Variants in TBC1D14 observed in about 807,000 individuals in gnomAD.
TBC1D14 encodes TBC1 domain family, member 14.
TBC1D14 carries 26 observed loss-of-function variants against 79.0 expected under a neutral mutation model. That is an observed-to-expected ratio of 0.33 (90% CI 0.24 to 0.46). TBC1D14 has a LOEUF of 0.46. Ranked by LOEUF, TBC1D14 falls within the 20% of genes least tolerant of loss-of-function variation. The probability of loss-of-function intolerance (pLI) is 1.00; values close to 1 mark genes in which losing one functional copy is unlikely to be tolerated. For synonymous variants in TBC1D14, 394 were observed against 349.9 expected (o/e 1.13, Z -1.40); for missense variants, 769 against 887.6 (o/e 0.87, Z 1.70).
chr4:6,909,676 G>A (rs1303517017), upstream of TBC1D14, among the ~76,000 whole-genome samples: 5 of 151,368 alleles, frequency 3.3e-5, no homozygotes, highest in African/African-American at 1.2e-4. Context: ...GGCGAGCGCC[G>A]AGCTCCAGAC....
At chr4:6,973,139 T>A (rs1473755030) in intron 3 of TBC1D14, among the ~76,000 whole-genome samples, 1 of 152,196 alleles carries the variant, frequency 6.6e-6, no homozygotes, top group East Asian at 1.9e-4. Context: ...GATGAGTACA[T>A]GGCCTGTTGT....
chr4:7,010,683 T>C lies in TBC1D14; in HGVS notation c.1549T>C (p.Leu517=), dbSNP rs113217292. 6.8e-6 allele frequency: 11 copies of C among 1,614,182 alleles called. No individual in the cohort carries two copies. Among genetic ancestry groups the C allele is most frequent in the Non-Finnish European group, 8.5e-6 (10 of 1,180,020 alleles). ...GGGCATGTCCTTCATAGCAGCAGTG[T>C]TGATCTTGAACTTAGATACTGCAGA... ...VQGMSFIAAV[L]ILNLDTADAF... is the part of the protein sequence containing the mutation. The change falls in exon 11 of 14, where the codon TTG becomes CTG. Residue 517 remains leucine, a synonymous_variant. Coordinates refer to ENST00000409757, the MANE Select transcript of TBC1D14 (RefSeq NM_020773.3).
intron 12 of TBC1D14, among the ~76,000 whole-genome samples, chr4:7,017,403 C>A (rs1367008034): frequency 6.6e-6 from 1 of 152,182 alleles, no homozygotes; most frequent in Non-Finnish European, 1.5e-5. Flanking sequence ...GGACTCAAGT[C>A]TACCCGGCTC....
chr4:6,942,093 C>G (rs1335354976), intron 2 of TBC1D14, among the ~76,000 whole-genome samples: 1 of 152,226 alleles, frequency 6.6e-6, no homozygotes, highest in Non-Finnish European at 1.5e-5. Flanking sequence ...GGGATAGAAT[C>G]TGTTCTGCTT....
chr4:6,938,613 G>T (rs1257990615), intron 2 of TBC1D14, among the ~76,000 whole-genome samples: 1 of 152,172 alleles, frequency 6.6e-6, no homozygotes, highest in Non-Finnish European at 1.5e-5. Context: ...ATTCAGGGAC[G>T]CCTTCTCACT....
chr4:6,953,671 G>GAC (rs1255621243), intron 2 of TBC1D14, among the ~76,000 whole-genome samples: 4 of 142,908 alleles, frequency 2.8e-5, no homozygotes, highest in African/African-American at 1.0e-4. Context: ...AGTTTTGGGG[G>GAC]ACATGAGGTT....
At chr4:6,983,483 C>T (rs936673980) in intron 3 of TBC1D14, among the ~76,000 whole-genome samples, 10 of 152,088 alleles carry the variant, frequency 6.6e-5, no homozygotes, top group East Asian at 5.8e-4. Flanking sequence ...AGCTGGTGAC[C>T]GAGTTGAAAG....
chr4:6,914,680 C>T (rs192789633), intron 1 of TBC1D14, among the ~76,000 whole-genome samples: 101 of 152,274 alleles, frequency 6.6e-4, no homozygotes, highest in Admixed American at 3.2e-3. Flanking sequence ...GCGGAGGCAG[C>T]TAGCTGGTCA....
chr4:6,987,110 A>C, intron 3 of TBC1D14: 2 of 983,588 alleles, frequency 2.0e-6, no homozygotes, highest in Non-Finnish European at 2.4e-6. Flanking sequence ...CTCGCCGCTC[A>C]TCAGCCCCGC....
chr4:6,995,544 G>A (rs1371838316), intron 4 of TBC1D14: 1 of 146,126 alleles, frequency 6.8e-6, no homozygotes, highest in African/African-American at 2.5e-5. Context: ...ATGGAGTCTT[G>A]CTCTGTTGCC....
chr4:7,003,863 G>A (rs1719914786), intron 7 of TBC1D14, among the ~76,000 whole-genome samples: 1 of 152,144 alleles, frequency 6.6e-6, no homozygotes, highest in Non-Finnish European at 1.5e-5. Flanking sequence ...AATTCACCAG[G>A]TGCGGTGGCG....
At position 7,004,927 on chromosome 4, in the gene TBC1D14, A is replaced by T; in HGVS notation, c.1351+3A>T. On this transcript the variant is annotated splice_donor_region_variant and intron_variant, in intron 8 of 13. Transcript: ENST00000409757. ...AGGCTCTGAAGTGGAGAACGAAGGTAGAATGTCTTCTAAAACCAGCGGACT... is the reference window on the plus strand; with the variant it reads ...AGGCTCTGAAGTGGAGAACGAAGGTTGAATGTCTTCTAAAACCAGCGGACT... 1.2e-6 allele frequency: 2 copies of T among 1,613,964 alleles called. No individual in the cohort carries two copies. The highest frequency in any genetic ancestry group is 1.7e-6 in the Non-Finnish European group (2 of 1,179,820).
chr4:6,988,033 T>A (rs1201334166), intron 3 of TBC1D14, among the ~76,000 whole-genome samples: 2 of 152,208 alleles, frequency 1.3e-5, no homozygotes, highest in Non-Finnish European at 2.9e-5. Flanking sequence ...GTGGCTTTAC[T>A]TACTGTGAGG....
Position 6,996,308 on chromosome 4 carries a change from AT to A in TBC1D14, c.963-14del, listed in dbSNP as rs777860263. The A allele has an allele frequency of 9.5e-5, 153 of 1,608,384 alleles. No homozygotes were observed. The highest frequency in any genetic ancestry group is 1.3e-4 in the Non-Finnish European group (151 of 1,175,254). On this transcript the variant is annotated splice_polypyrimidine_tract_variant and intron_variant, in intron 4 of 13. Coordinates refer to ENST00000409757, the MANE Select transcript of TBC1D14 (RefSeq NM_020773.3). ...GCGGTATTTATAATGGTGAAAACTC[AT>A]TTCTTTCCTGTCAAGAAATCTCCCA...
chr4:6,988,634 G>A (rs1718132312), intron 3 of TBC1D14, among the ~76,000 whole-genome samples: 2 of 152,224 alleles, frequency 1.3e-5, no homozygotes, highest in South Asian at 4.1e-4. Flanking sequence ...ATTTTCACTG[G>A]TGAATCTTGA....
intron 2 of TBC1D14, among the ~76,000 whole-genome samples, chr4:6,942,345 G>A (rs749639822): frequency 6.6e-6 from 1 of 152,014 alleles, no homozygotes; most frequent in Non-Finnish European, 1.5e-5. Flanking sequence ...TTGTAACTGC[G>A]AGCTGTTTCA....
intron 2 of TBC1D14, among the ~76,000 whole-genome samples, chr4:6,959,832 C>T (rs1382248933): frequency 6.6e-6 from 1 of 152,062 alleles, no homozygotes; most frequent in East Asian, 1.9e-4. Context: ...CCGATCTTGC[C>T]AAGTTGTGTT....
chr4:6,914,572 G>T (rs879353445), intron 1 of TBC1D14, among the ~76,000 whole-genome samples: 1 of 152,152 alleles, frequency 6.6e-6, no homozygotes, highest in Non-Finnish European at 1.5e-5. Context: ...CCTTTAGACC[G>T]CAGTCTTCTT....
chr4:6,984,847 G>C (rs1717678337), intron 3 of TBC1D14, among the ~76,000 whole-genome samples: 1 of 152,240 alleles, frequency 6.6e-6, no homozygotes, highest in South Asian at 2.1e-4. Context: ...GGGACTGTCT[G>C]TGTTCTAAGT....
Sources: allele counts gnomAD v4.1 joint callset (sites outside exome capture counted in the v4.1 genomes callset), GRCh38; gene constraint gnomAD v4.1.1; transcripts MANE v1.5; gene names NCBI Gene and HGNC (gene_info 2026-07-23, HGNC 2026-07-21).